The following CRYGN variants were observed in gnomAD, a reference collection of about 807,000 sequenced individuals.
The protein encoded by CRYGN is gamma-crystallin N.
A neutral mutation model predicts 19.2 loss-of-function variants in CRYGN; 17 were observed. The observed-to-expected ratio is 0.89, with a 90% CI of 0.61 to 1.33. The LOEUF (loss-of-function observed/expected upper bound fraction) is 1.33, where lower values mean the gene tolerates loss of function less well. Among genes scored for constraint, CRYGN ranks in the 40% most tolerant of loss-of-function variants. The probability of loss-of-function intolerance (pLI) is 0.00; values close to 1 mark genes in which losing one functional copy is unlikely to be tolerated. For synonymous variants in CRYGN, 84 were observed against 85.8 expected (o/e 0.98, Z 0.12); for missense variants, 239 against 239.6 (o/e 1.00, Z 0.02).
Position 151,436,357 on chromosome 7 carries a change from GGAGGT to G in CRYGN, c.271-37_271-33del. On this transcript the variant is annotated intron_variant, in intron 2 of 3. Transcript: ENST00000337323. This position sits in a 1 kb window ranked among gnomAD's most constrained non-coding sequence, Gnocchi z 5.1. ...GACCAAGCAAAAAAGAAGGAAAGAA[GGAGGT>G]TGCTGTGAATTCCCCTCTCCCAGAA... is the stretch of plus-strand genomic sequence containing the variant. 8 of 1,446,036 alleles carry G rather than the reference GGAGGT, an allele frequency of 5.5e-6. No homozygotes were observed. Among genetic ancestry groups the G allele is most frequent in the Non-Finnish European group, 6.5e-6 (7 of 1,077,578 alleles). The allele number at this position is 1,446,036 out of a possible 1,614,324, so 89.6% of individuals were successfully genotyped here. A position where few individuals can be genotyped will look rare whatever the true frequency, so the allele number is the denominator to read the frequency against.
Position 151,435,235 on chromosome 7 carries a change from G to A in CRYGN, c.416+945C>T, listed in dbSNP as rs1801573393. 1.3e-5 allele frequency among the ~76,000 whole-genome samples: 2 copies of A among 152,340 alleles called. No individual in the cohort carries two copies. The highest frequency in any genetic ancestry group is 4.1e-4 in the South Asian group (2 of 4,834). On this transcript the variant is annotated intron_variant, in intron 3 of 3. Transcript: ENST00000337323. This position sits in a 1 kb window ranked among gnomAD's most constrained non-coding sequence, Gnocchi z 4.2. ...CCATGCACAGCCAGCTGGAACCTGT[G>A]TGAGGGGCTCTTGGCCTGAGGGGAG... is the stretch of plus-strand genomic sequence containing the variant.
chr7:151,430,120 T>G lies in CRYGN; in HGVS notation c.477A>C (p.Ser159=). ...EDFQLSSSLQ[S]DQGPEEATTK... is the part of the protein sequence containing the mutation. ...TGGTGGCCTCTTCCGGTCCTTGATC[T>G]GATTGAAGAGAGCTGCTCAGCTGGA... Residue 159 remains serine (S), a synonymous_variant, in exon 4 of 4, where the codon TCA becomes TCC. Transcript: ENST00000337323. The surrounding 1 kb of genome is among the most constrained non-coding windows in gnomAD (Gnocchi z 5.2). 1.2e-6 allele frequency: 2 copies of G among 1,607,380 alleles called. No individual in the cohort carries two copies. Among genetic ancestry groups the G allele is most frequent in the South Asian group, 2.2e-5 (2 of 90,922 alleles).
intron 3 of CRYGN, chr7:151,432,231 A>G (rs1165380251): frequency 2.0e-5 from 25 of 1,231,822 alleles, no homozygotes; most frequent in Non-Finnish European, 2.5e-5. Flanking sequence ...GGAAGTCGCC[A>G]CTCTCCACCA....
intron 2 of CRYGN, 35 bp downstream of exon 2, chr7:151,437,961 G>C (rs1362884678): frequency 6.2e-7 from 1 of 1,608,542 alleles, no homozygotes; most frequent in South Asian, 1.1e-5. Context: ...CCCTCCAGCA[G>C]GAAGACTCAG....
chr7:151,437,995 C>T lies in CRYGN; in HGVS notation c.270+1G>A. On this transcript the variant is annotated splice_donor_variant, in intron 2 of 3. Coordinates refer to ENST00000337323, the MANE Select transcript of CRYGN (RefSeq NM_144727.3). LOFTEE classifies it high-confidence loss of function. ...AGCCTTCGGTGGACGGGCCCACTCA[C>T]CATTCCTACAGGCCGACAGGAGCCC... is the stretch of plus-strand genomic sequence containing the variant. The T allele has an allele frequency of 6.2e-7, 1 of 1,612,852 alleles. No individual in the cohort carries two copies. The highest frequency in any genetic ancestry group is 1.6e-4 in the Middle Eastern group (1 of 6,062).
At chr7:151,432,098 G>T in intron 3 of CRYGN, 2 of 929,520 alleles carry the variant, frequency 2.2e-6, no homozygotes, top group Non-Finnish European at 2.8e-6. Context: ...GACCGCAAGG[G>T]GTTGCCCCTG....
In CRYGN at chr7:151,440,064, TGGGACCCGCCGC is replaced by T; in HGVS notation, c.-159_-148del. The stretch of plus-strand genomic sequence containing the variant: ...TAAGCCCGAGGGGCCACCAGGCGGT[TGGGACCCGCCGC>T]GGCCACCCTGTGCCACCGCGAGTGC... On this transcript the variant is annotated 5_prime_UTR_variant, in exon 1 of 4. Coordinates refer to ENST00000337323, the MANE Select transcript of CRYGN (RefSeq NM_144727.3). 1 of 1,359,252 alleles carries T rather than the reference TGGGACCCGCCGC, an allele frequency of 7.4e-7. No homozygotes were observed. Among genetic ancestry groups the T allele is most frequent in the Non-Finnish European group, 9.4e-7 (1 of 1,059,424 alleles). 84.2% of individuals were successfully genotyped at this position (1,359,252 alleles called of 1,614,324 possible).
At chr7:151,434,744 T>G (rs757255618) in intron 3 of CRYGN, among the ~76,000 whole-genome samples, 2 of 152,232 alleles carry the variant, frequency 1.3e-5, no homozygotes, top group African/African-American at 4.8e-5. Flanking sequence ...GAACCGTGGC[T>G]TTAAGCACAT....
At chr7:151,432,284 A>C in intron 3 of CRYGN, 1 of 1,231,392 alleles carries the variant, frequency 8.1e-7, no homozygotes, top group Non-Finnish European at 1.0e-6. Flanking sequence ...TACAGGACCC[A>C]CCTGGAGGCC....
At position 151,438,159 on chromosome 7, in the gene CRYGN, A is replaced by G; in HGVS notation, c.107T>C (p.Met36Thr). 6.2e-7 allele frequency: 1 copy of G among 1,614,230 alleles called. No homozygotes were observed. The highest frequency in any genetic ancestry group is 1.1e-5 in the South Asian group (1 of 91,088). ...DCDNFQDRGF[M>T]NRVNSIHVES... The stretch of plus-strand genomic sequence containing the variant: ...CACGTGGATGGAGTTCACTCGGTTC[A>G]TAAAGCCCCGGTCCTGGAAGTTGTC... Residue 36 changes from methionine (M) to threonine (T), a missense_variant, in exon 2 of 4, where the codon ATG becomes ACG. Coordinates refer to ENST00000337323, the MANE Select transcript of CRYGN (RefSeq NM_144727.3).
At chr7:151,440,265 C>T, upstream of CRYGN, 2 of 422,062 alleles carry the variant, frequency 4.7e-6, no homozygotes, top group East Asian at 4.2e-5. Context: ...TCTTCCCCTG[C>T]GCTGCCCCTC....
chr7:151,436,390 A>G lies in CRYGN; in HGVS notation c.271-65T>C. On this transcript the variant is annotated intron_variant, in intron 2 of 3. Coordinates refer to ENST00000337323, the MANE Select transcript of CRYGN (RefSeq NM_144727.3). The surrounding 1 kb of genome is among the most constrained non-coding windows in gnomAD (Gnocchi z 5.1). ...CTGTGAATTCCCCTCTCCCAGAAAC[A>G]GAAGCCCCATGCAGGAAGGAATTAG... The G allele has an allele frequency of 1.4e-6, 2 of 1,436,490 alleles. No individual in the cohort carries two copies. The highest frequency in any genetic ancestry group is 1.4e-5 in the African/African-American group (1 of 69,054). 89.0% of individuals were successfully genotyped at this position (1,436,490 alleles called of 1,614,324 possible).
chr7:151,437,984 G>A lies in CRYGN; in HGVS notation c.270+12C>T, dbSNP rs762673302. The A allele has an allele frequency of 2.0e-5, 33 of 1,611,630 alleles. No homozygotes were observed. Among genetic ancestry groups the A allele is most frequent in the African/African-American group, 5.3e-5 (4 of 74,926 alleles). On this transcript the variant is annotated intron_variant, in intron 2 of 3. Coordinates refer to ENST00000337323, the MANE Select transcript of CRYGN (RefSeq NM_144727.3). ...CAGGAAGACTCAGCCTTCGGTGGACGGGCCCACTCACCATTCCTACAGGCC... is the reference window on the plus strand; with the variant it reads ...CAGGAAGACTCAGCCTTCGGTGGACAGGCCCACTCACCATTCCTACAGGCC...
chr7:151,439,654 G>A (rs1184402613), intron 1 of CRYGN, among the ~76,000 whole-genome samples: 1 of 152,130 alleles, frequency 6.6e-6, no homozygotes, highest in African/African-American at 2.4e-5. Context: ...CACCCTCCCT[G>A]CTCCTGACTG....
chr7:151,433,882 C>T lies in CRYGN; in HGVS notation c.416+2298G>A, dbSNP rs868754696. Among the ~76,000 whole-genome samples, 28 of 152,184 alleles carry T rather than the reference C, an allele frequency of 1.8e-4. No individual in the cohort carries two copies. On this transcript the variant is annotated intron_variant, in intron 3 of 3. Transcript: ENST00000337323. This position sits in a 1 kb window ranked among gnomAD's most constrained non-coding sequence, Gnocchi z 5.1. ...GGGCCTGTCCTGCCCACATCAGCAC[C>T]GTGCCCTTCCCCAGGTGAGGGTAGG...
In CRYGN at chr7:151,434,093, G is replaced by A. The variant is rs150841001; in HGVS notation, c.416+2087C>T. On this transcript the variant is annotated intron_variant, in intron 3 of 3. Coordinates refer to ENST00000337323, the MANE Select transcript of CRYGN (RefSeq NM_144727.3). ...AAGGCCTCCTAGCAGTGTCCCCTCC[G>A]GATCGAGGGGACCTGGGGGCGTTAC... Among the ~76,000 whole-genome samples, 35 of 152,238 alleles carry A rather than the reference G, an allele frequency of 2.3e-4. 1 individual carries two copies. The highest frequency in any genetic ancestry group is 5.2e-4 in the Admixed American group (8 of 15,298).
At chr7:151,439,001 A>G (rs533381034) in intron 1 of CRYGN, 25 of 152,362 alleles carry the variant, frequency 1.6e-4, no homozygotes, top group African/African-American at 5.8e-4. Flanking sequence ...TGTGGAACCT[A>G]AAATCTCAAC....
Position 151,430,909 on chromosome 7 carries a change from T to A in CRYGN, c.417-729A>T, listed in dbSNP as rs975261113. Among the ~76,000 whole-genome samples the A allele has an allele frequency of 2.6e-5, 4 of 152,100 alleles. No homozygotes were observed. Among genetic ancestry groups the A allele is most frequent in the Admixed American group, 6.5e-5 (1 of 15,280 alleles). ...AGTCAGATCCACAGCCAGAACTCTG[T>A]GGGCACACGGGTGATCCAACCCATG... On this transcript the variant is annotated intron_variant, in intron 3 of 3. Transcript: ENST00000337323. This position sits in a 1 kb window ranked among gnomAD's most constrained non-coding sequence, Gnocchi z 5.2.
In CRYGN at chr7:151,430,122, A is replaced by C. The variant is rs138507328; in HGVS notation, c.475T>G (p.Ser159Ala). The change falls in exon 4 of 4, where the codon TCA (serine) becomes GCA (alanine). Residue 159 changes from serine (S) to alanine (A), a missense_variant. Ser to Ala is a moderately conservative substitution (Grantham distance 99, BLOSUM62 1). Coordinates refer to ENST00000337323, the MANE Select transcript of CRYGN (RefSeq NM_144727.3). The surrounding 1 kb of genome is among the most constrained non-coding windows in gnomAD (Gnocchi z 5.2). ...GTGGCCTCTTCCGGTCCTTGATCTGATTGAAGAGAGCTGCTCAGCTGGAAG... is the reference window on the plus strand; with the variant it reads ...GTGGCCTCTTCCGGTCCTTGATCTGCTTGAAGAGAGCTGCTCAGCTGGAAG... ...EDFQLSSSLQ[S>A]DQGPEEATTK... 502 of 1,608,948 alleles carry C rather than the reference A, an allele frequency of 3.1e-4. No homozygotes were observed. Among genetic ancestry groups the C allele is most frequent in the Non-Finnish European group, 3.8e-4 (451 of 1,175,426 alleles).
Sources: allele counts gnomAD v4.1 joint callset (sites outside exome capture counted in the v4.1 genomes callset), GRCh38; gene constraint gnomAD v4.1.1; non-coding constraint Gnocchi (gnomAD v3.1); transcripts MANE v1.5; gene names NCBI Gene and HGNC (gene_info 2026-07-23, HGNC 2026-07-21).